QTGAL: variants seen among roughly 807,000 people sequenced by gnomAD.
QTGAL encodes the protein queuosine-tRNA galactosyltransferase, also known as BGnT-like protein 1.
chr17:82,970,631 G>GTGA, the QTGAL span, among the ~76,000 whole-genome samples: 178 of 98,554 alleles, frequency 1.8e-3, 3 homozygotes, highest in Non-Finnish European at 2.0e-3. Flanking sequence ...CGGCGTGGCC[G>GTGA]CGACCTCCGC....
At chr17:82,983,584 T>C in the QTGAL span, among the ~76,000 whole-genome samples, 1 of 152,322 alleles carries the variant, frequency 6.6e-6, no homozygotes, top group Non-Finnish European at 1.5e-5. Flanking sequence ...CCTGCCGACC[T>C]GTGGCAGGTG....
the QTGAL span, among the ~76,000 whole-genome samples, chr17:82,958,956 A>ATGGTG: frequency 2.0e-5 from 1 of 50,020 alleles, no homozygotes; most frequent in African/African-American, 1.1e-4. Flanking sequence ...GTGGGGGTGT[A>ATGGTG]TGTGTGTGTG....
At chr17:82,961,855 G>A in the QTGAL span, among the ~76,000 whole-genome samples, 5 of 152,202 alleles carry the variant, frequency 3.3e-5, no homozygotes, top group Non-Finnish European at 5.9e-5. Flanking sequence ...TGCTTTCCCC[G>A]GCCCATGATC....
the QTGAL span, among the ~76,000 whole-genome samples, chr17:83,012,764 T>C: frequency 1.3e-5 from 2 of 152,118 alleles, no homozygotes; most frequent in African/African-American, 4.8e-5. Flanking sequence ...CAGAAGTCCA[T>C]CCCGAAGGAC....
the QTGAL span, chr17:83,048,871 G>A: frequency 3.8e-6 from 4 of 1,055,772 alleles, no homozygotes; most frequent in African/African-American, 4.7e-5. Context: ...TTCACCACCC[G>A]CACATATGCC....
the QTGAL span, chr17:83,030,856 G>C: frequency 1.2e-4 from 19 of 152,242 alleles, no homozygotes; most frequent in African/African-American, 4.1e-4. Flanking sequence ...AGTGAAGACG[G>C]GAGTCGGGGG....
the QTGAL span, among the ~76,000 whole-genome samples, chr17:83,016,671 G>A: frequency 7.3e-6 from 1 of 136,828 alleles, no homozygotes; most frequent in Non-Finnish European, 1.6e-5. Context: ...AGGGTGGAGG[G>A]AAGTGGGGGT....
the QTGAL span, chr17:82,960,402 C>T: frequency 6.6e-6 from 1 of 152,290 alleles, no homozygotes; most frequent in African/African-American, 2.4e-5. Flanking sequence ...GCCTGCTTTC[C>T]AACTTAACGC....
the QTGAL span, among the ~76,000 whole-genome samples, chr17:82,972,417 C>A: frequency 1.0e-5 from 1 of 96,504 alleles, no homozygotes; most frequent in South Asian, 3.9e-4. Flanking sequence ...GACCTGGTGC[C>A]GACCACAGCA....
At chr17:82,958,132 GC>G in the QTGAL span, among the ~76,000 whole-genome samples, 2 of 152,096 alleles carry the variant, frequency 1.3e-5, no homozygotes, top group Admixed American at 6.5e-5. Context: ...GCCTGTGTGT[GC>G]CTCTCCCTCA....
At chr17:83,023,645 C>A in the QTGAL span, among the ~76,000 whole-genome samples, 2 of 152,238 alleles carry the variant, frequency 1.3e-5, no homozygotes, top group Non-Finnish European at 2.9e-5. Flanking sequence ...CACCACCATG[C>A]TCTGTGGTGA....
chr17:82,982,769 C>T, the QTGAL span, among the ~76,000 whole-genome samples: 1 of 152,178 alleles, frequency 6.6e-6, no homozygotes, highest in African/African-American at 2.4e-5. Flanking sequence ...TGATGGGACC[C>T]TCGATGTCCT....
At chr17:83,013,415 C>T in the QTGAL span, among the ~76,000 whole-genome samples, 1 of 122,370 alleles carries the variant, frequency 8.2e-6, no homozygotes, top group Non-Finnish European at 1.7e-5. Context: ...TGCTGCCCCC[C>T]CAAACCCCCA....
the QTGAL span, among the ~76,000 whole-genome samples, chr17:82,970,536 C>T: frequency 0.16 from 15,761 of 101,038 alleles, 1,710 homozygotes; most frequent in African/African-American, 0.31. Context: ...AGCGTGGCCG[C>T]GACCTCCGCA....
the QTGAL span, chr17:82,948,872 T>G: frequency 1.3e-5 from 2 of 152,378 alleles, no homozygotes; most frequent in South Asian, 4.1e-4. Flanking sequence ...CAATGTTGTT[T>G]TTTAAATTTC....
chr17:83,021,109 CTGTA>C, the QTGAL span, among the ~76,000 whole-genome samples: 618 of 152,296 alleles, frequency 4.1e-3, 2 homozygotes, highest in African/African-American at 0.013. Context: ...GTGCTCTTCT[CTGTA>C]TGTGTTTTTC....
At chr17:83,000,004 C>G in the QTGAL span, among the ~76,000 whole-genome samples, 1 of 152,082 alleles carries the variant, frequency 6.6e-6, no homozygotes, top group South Asian at 2.1e-4. Flanking sequence ...GCTCTGTCGC[C>G]CAGGCTAGAG....
chr17:82,993,115 T>C, the QTGAL span, among the ~76,000 whole-genome samples: 1 of 152,148 alleles, frequency 6.6e-6, no homozygotes, highest in Non-Finnish European at 1.5e-5. Context: ...AGTAAGTCCT[T>C]ATTTATCAAT....
the QTGAL span, among the ~76,000 whole-genome samples, chr17:83,019,029 G>C: frequency 6.6e-6 from 1 of 152,178 alleles, no homozygotes; most frequent in Non-Finnish European, 1.5e-5. Context: ...GAGAGGTCTG[G>C]GTCCCAGGGG....
Sources: gnomAD v4.1 joint callset for allele counts (sites outside exome capture counted in the v4.1 genomes callset) on GRCh38, gnomAD v4.1.1 for gene constraint, MANE v1.5 for transcripts, NCBI Gene and HGNC (gene_info 2026-07-23, HGNC 2026-07-21) for gene names.